Variants in BEST3 observed in about 807,000 individuals in gnomAD.
BEST3 encodes bestrophin 3.
Under a neutral mutation model 47.1 loss-of-function variants are expected in BEST3, and 50 were observed. That is an observed-to-expected ratio of 1.06 (90% CI 0.85 to 1.34). BEST3 has a LOEUF of 1.34. BEST3 is among the 40% of genes most tolerant of loss of function. BEST3 has a pLI of 0.00. For missense variants in BEST3, 765 were observed against 817.0 expected, an observed-to-expected ratio of 0.94 and a Z score of 0.78; for synonymous variants, 282 against 298.8, an observed-to-expected ratio of 0.94 and a Z score of 0.58.
chr12:69,656,041 G>T (rs1883472230), intron 9 of BEST3, among the ~76,000 whole-genome samples: 1 of 152,118 alleles, frequency 6.6e-6, no homozygotes, highest in South Asian at 2.1e-4. Context: ...GCTTATGTGG[G>T]TTATATCTAT....
In BEST3 at chr12:69,654,983, T is replaced by C; in HGVS notation, c.1931A>G (p.Tyr644Cys). Residue 644 changes from tyrosine (Y) to cysteine (C), a missense_variant, in exon 10 of 10, where the codon TAT becomes TGT. Tyr to Cys is a radical substitution (Grantham distance 194, BLOSUM62 -2). Transcript: ENST00000330891. The part of the protein sequence containing the change: ...AGSRVSSDML[Y>C]LMENLDTKET... The stretch of plus-strand genomic sequence containing the variant: ...CTTGGTGTCCAGGTTTTCCATTAAA[T>C]ACAGCATATCAGAAGAGACTCGAGA... 6.2e-7 allele frequency: 1 copy of C among 1,614,092 alleles called. No individual in the cohort carries two copies.
At chr12:69,671,328 C>T (rs1189512871) in intron 9 of BEST3, 100 bp downstream of exon 9, 1 of 1,232,824 alleles carries the variant, frequency 8.1e-7, no homozygotes, top group Non-Finnish European at 1.1e-6. Flanking sequence ...CAGTTGGCTA[C>T]TTTAAATTAT....
intron 4 of BEST3, among the ~76,000 whole-genome samples, chr12:69,685,381 T>C (rs902177823): frequency 6.6e-6 from 1 of 152,228 alleles, no homozygotes; most frequent in Non-Finnish European, 1.5e-5. Context: ...CTGGGTAGAA[T>C]AGATCTGAGG....
intron 4 of BEST3, among the ~76,000 whole-genome samples, chr12:69,689,493 G>A (rs987288029): frequency 2.6e-5 from 4 of 152,170 alleles, no homozygotes; most frequent in Admixed American, 2.0e-4. Context: ...AGCACCAAGA[G>A]AAGAAAGTAG....
At chr12:69,680,831 A>T (rs1885214721) in intron 4 of BEST3, among the ~76,000 whole-genome samples, 1 of 152,122 alleles carries the variant, frequency 6.6e-6, no homozygotes, top group Non-Finnish European at 1.5e-5. Flanking sequence ...CTACATATGT[A>T]TCTGCCATTT....
chr12:69,684,547 G>C (rs1386558400), intron 4 of BEST3: 2 of 673,248 alleles, frequency 3.0e-6, no homozygotes, highest in East Asian at 5.5e-5. Flanking sequence ...TCTATTAGCA[G>C]AGGAACTAAA....
rs1039687899 is a variant in BEST3 at position 69,689,319 on chromosome 12, T to C, written c.481+4355A>G. 5.2e-6 allele frequency: 5 copies of C among 954,822 alleles called. No individual in the cohort carries two copies. In the African/African-American group the frequency reaches 8.8e-5, roughly 17 times the overall value. 59.1% of individuals were successfully genotyped at this position (954,822 alleles called of 1,614,324 possible). A position where few individuals can be genotyped will look rare whatever the true frequency, so the allele number is the denominator to read the frequency against. ...AAGTTCAGTGAGTCAGCGCTGCCGG[T>C]GACAGCGGGTGCCGGCCTGGGGCAG... On this transcript the variant is annotated intron_variant, in intron 4 of 9. Transcript: ENST00000330891.
intron 4 of BEST3, among the ~76,000 whole-genome samples, chr12:69,686,771 C>CAAAAAAACGAAAA (rs1565840533): frequency 2.0e-5 from 1 of 49,938 alleles, no homozygotes; most frequent in Non-Finnish European, 3.4e-5. Flanking sequence ...GATTCTGCCT[C>CAAAAAAACGAAAA]AAAAAAACAA....
intron 2 of BEST3, 95 bp from the exon 3 acceptor site, chr12:69,694,559 A>G (rs967964186): frequency 1.8e-6 from 1 of 545,372 alleles, no homozygotes; most frequent in South Asian, 4.3e-5. Flanking sequence ...AGCACAAATA[A>G]TCTTTTATTT....
intron 7 of BEST3, among the ~76,000 whole-genome samples, chr12:69,676,324 T>C (rs1428130647): frequency 6.6e-6 from 1 of 151,966 alleles, no homozygotes; most frequent in African/African-American, 2.4e-5. Context: ...GGTAGGAGAA[T>C]TGCTTCAACC....
chr12:69,651,794 A>C (rs1196443643), downstream of BEST3, among the ~76,000 whole-genome samples: 1 of 135,326 alleles, frequency 7.4e-6, no homozygotes, highest in East Asian at 2.0e-4. Flanking sequence ...AAGAAAAAAA[A>C]AAAAAGAAAG....
intron 9 of BEST3, among the ~76,000 whole-genome samples, chr12:69,657,817 G>C (rs912721585): frequency 6.6e-6 from 1 of 152,202 alleles, no homozygotes; most frequent in African/African-American, 2.4e-5. Context: ...TGAATGTCCT[G>C]GGACGGCGTT....
At chr12:69,667,457 C>A (rs189240070) in intron 9 of BEST3, among the ~76,000 whole-genome samples, 20 of 152,220 alleles carry the variant, frequency 1.3e-4, no homozygotes, top group African/African-American at 4.8e-4. Flanking sequence ...CCACCATGCT[C>A]AGCTAATTTT....
At chr12:69,684,649 C>G (rs547243193) in intron 4 of BEST3, 1 of 614,662 alleles carries the variant, frequency 1.6e-6, no homozygotes, top group African/African-American at 1.8e-5. Context: ...GAGCCCTTCT[C>G]CAAGGGATGA....
downstream of BEST3, among the ~76,000 whole-genome samples, chr12:69,650,774 G>A (rs1883181264): frequency 6.6e-6 from 1 of 152,124 alleles, no homozygotes; most frequent in South Asian, 2.1e-4. Context: ...GTTAGAGGAG[G>A]AATTCATTGC....
intron 4 of BEST3, among the ~76,000 whole-genome samples, chr12:69,679,840 T>A (rs1408677292): frequency 6.6e-6 from 1 of 152,040 alleles, no homozygotes; most frequent in Non-Finnish European, 1.5e-5. Context: ...CAGCCCAGGC[T>A]ATAGAGCGAG....
chr12:69,660,483 A>C (rs1298772436), intron 9 of BEST3: 1 of 152,232 alleles, frequency 6.6e-6, no homozygotes, highest in Non-Finnish European at 1.5e-5. Context: ...TGAAGAGGAA[A>C]TATAAGAACT....
At chr12:69,668,565 T>C (rs17106923) in intron 9 of BEST3, among the ~76,000 whole-genome samples, 242 of 152,342 alleles carry the variant, frequency 1.6e-3, no homozygotes, top group African/African-American at 5.4e-3. Context: ...GAACCATTCA[T>C]TGCTTAGGGA....
chr12:69,649,331 G>A (rs1883139735), downstream of BEST3, among the ~76,000 whole-genome samples: 1 of 152,216 alleles, frequency 6.6e-6, no homozygotes, highest in Non-Finnish European at 1.5e-5. Context: ...ATAATCTAAG[G>A]AAATTACAAT....
Sources: allele counts gnomAD v4.1 joint callset (sites outside exome capture counted in the v4.1 genomes callset), GRCh38; gene constraint gnomAD v4.1.1; transcripts MANE v1.5; gene names NCBI Gene and HGNC (gene_info 2026-07-23, HGNC 2026-07-21).